Variants in CDH2 observed in about 807,000 individuals in gnomAD.
CDH2 encodes the protein cadherin-2.
In CDH2, 17 loss-of-function variants were observed where a neutral mutation model predicts 92.0. That is an observed-to-expected ratio of 0.18 (90% CI 0.13 to 0.28). The LOEUF is 0.28. Ranked by LOEUF, CDH2 falls within the 10% of genes least tolerant of loss-of-function variation. The probability of loss-of-function intolerance (pLI) is 1.00; values close to 1 mark genes in which losing one functional copy is unlikely to be tolerated. For missense variants in CDH2, 862 were observed against 1,133.1 expected (o/e 0.76, Z 3.44); for synonymous variants, 419 against 415.9 (o/e 1.01, Z -0.09).
chr18:27,985,099 C>G lies in CDH2; in HGVS notation c.2110G>C (p.Asp704His). 1 of 1,614,150 alleles carries G rather than the reference C, an allele frequency of 6.2e-7. No individual in the cohort carries two copies. Among genetic ancestry groups the G allele is most frequent in the South Asian group, 1.1e-5 (1 of 91,074 alleles). The change falls in exon 13 of 16, where the codon GAC becomes CAC. Residue 704 changes from aspartate to histidine, a missense_variant. Asp to His is a moderately conservative substitution (Grantham distance 81, BLOSUM62 -1). This residue lies in a region of CDH2 where 564 missense variants were observed against 722.2 expected (regional missense o/e 0.78). Transcript: ENST00000269141. ...ACATCTGTGCAGTCCCCGTTGGAGT[C>G]ACACTGGCAAACCTTCACACGCAGG... is the stretch of plus-strand genomic sequence containing the variant. ...SILRVKVCQCDSNGDCTDVDR... is the reference protein window; with the variant it reads ...SILRVKVCQCHSNGDCTDVDR...
At chr18:28,056,338 A>AAG (rs1378881320) in intron 2 of CDH2, among the ~76,000 whole-genome samples, 1 of 152,180 alleles carries the variant, frequency 6.6e-6, no homozygotes, top group Non-Finnish European at 1.5e-5. Flanking sequence ...CCTTTCTGTC[A>AAG]AAACAAATAG....
At chr18:28,064,121 T>C (rs1487826875) in intron 2 of CDH2, among the ~76,000 whole-genome samples, 1 of 143,532 alleles carries the variant, frequency 7.0e-6, no homozygotes, top group African/African-American at 2.5e-5. Flanking sequence ...CTTAAAACTA[T>C]GAATTCCTCA....
At chr18:28,155,880 T>G (rs536348308) in intron 1 of CDH2, among the ~76,000 whole-genome samples, 7 of 152,344 alleles carry the variant, frequency 4.6e-5, no homozygotes, top group African/African-American at 1.7e-4. Context: ...ACTGCCACTC[T>G]TCAAGATTTT....
intron 2 of CDH2, among the ~76,000 whole-genome samples, chr18:28,076,468 TA>T (rs2144179552): frequency 6.6e-6 from 1 of 152,304 alleles, no homozygotes; most frequent in Non-Finnish European, 1.5e-5. Flanking sequence ...TTAATTCATA[TA>T]AAGGTTTTAG....
chr18:28,024,932 T>A (rs2013510084), intron 2 of CDH2, among the ~76,000 whole-genome samples: 1 of 152,138 alleles, frequency 6.6e-6, no homozygotes, highest in African/African-American at 2.4e-5. Flanking sequence ...TAAGAAAATT[T>A]ACAAAATTAA....
intron 2 of CDH2, among the ~76,000 whole-genome samples, chr18:28,049,651 T>G (rs1448252011): frequency 6.6e-6 from 1 of 152,210 alleles, no homozygotes; most frequent in Non-Finnish European, 1.5e-5. Context: ...CTGAATAGTA[T>G]CTATGGCAAG....
chr18:28,023,716 T>TG (rs749027697), intron 2 of CDH2, among the ~76,000 whole-genome samples: 1 of 152,178 alleles, frequency 6.6e-6, no homozygotes, highest in Non-Finnish European at 1.5e-5. Flanking sequence ...GAATAAATAA[T>TG]GATCTTCAAG....
intron 2 of CDH2, among the ~76,000 whole-genome samples, chr18:28,077,799 G>A (rs1451447603): frequency 1.3e-5 from 2 of 149,992 alleles, no homozygotes; most frequent in African/African-American, 2.5e-5. Flanking sequence ...GCTGAGGCAG[G>A]AGAATTGCTT....
At chr18:28,005,029 A>C (rs2144015670) in intron 6 of CDH2, among the ~76,000 whole-genome samples, 1 of 152,356 alleles carries the variant, frequency 6.6e-6, no homozygotes, top group Non-Finnish European at 1.5e-5. Context: ...AATACAAAAC[A>C]AAAATACAAT....
intron 2 of CDH2, among the ~76,000 whole-genome samples, chr18:28,037,357 C>T (rs2013855086): frequency 6.6e-6 from 1 of 152,146 alleles, no homozygotes; most frequent in South Asian, 2.1e-4. Flanking sequence ...GATAGGTTGC[C>T]AGCATGAAGG....
intron 7 of CDH2, among the ~76,000 whole-genome samples, chr18:27,998,191 G>A (rs1048808948): frequency 6.6e-6 from 1 of 152,130 alleles, no homozygotes; most frequent in African/African-American, 2.4e-5. Context: ...TATAAATGTG[G>A]TCTTTCTTTT....
chr18:28,086,382 C>T (rs11564402), intron 2 of CDH2, among the ~76,000 whole-genome samples: 7,773 of 152,062 alleles, frequency 0.051, 678 homozygotes, highest in African/African-American at 0.18. Flanking sequence ...TCAAACTTTG[C>T]TAATTTCCTT....
Position 28,052,754 on chromosome 18 carries a change from T to C in CDH2, c.173-38845A>G, listed in dbSNP as rs561566142. Among the ~76,000 whole-genome samples the C allele has an allele frequency of 1.3e-4, 20 of 152,344 alleles. No homozygotes were observed. The South Asian group carries it at 4.1e-3, about 32-fold the overall frequency. ...CTGCTCAATATCACGAAACAGTTCA[T>C]TGAAACAAGATGCCTTGTTTTATAC... is the stretch of plus-strand genomic sequence containing the variant. On this transcript the variant is annotated intron_variant, in intron 2 of 15. Transcript: ENST00000269141.
intron 4 of CDH2, among the ~76,000 whole-genome samples, chr18:28,011,152 C>A (rs1022653688): frequency 1.3e-5 from 2 of 151,998 alleles, no homozygotes; most frequent in Admixed American, 6.6e-5. Flanking sequence ...TAATCATATA[C>A]AGAAACATTT....
intron 2 of CDH2, among the ~76,000 whole-genome samples, chr18:28,115,604 T>TATCCA (rs1375568605): frequency 1.3e-5 from 2 of 152,162 alleles, no homozygotes; most frequent in Admixed American, 6.6e-5. Flanking sequence ...AGAAGATGGC[T>TATCCA]GCGGCCCTCA....
At chr18:27,955,123 G>C (rs1909643407) in intron 15 of CDH2, among the ~76,000 whole-genome samples, 1 of 152,042 alleles carries the variant, frequency 6.6e-6, no homozygotes, top group Admixed American at 6.6e-5. Context: ...CTTTGTTCAG[G>C]TCATCTGCTT....
At chr18:28,130,307 C>T (rs1372694759) in intron 2 of CDH2, among the ~76,000 whole-genome samples, 1 of 152,090 alleles carries the variant, frequency 6.6e-6, no homozygotes, top group African/African-American at 2.4e-5. Flanking sequence ...ACTCCCTCCA[C>T]CCAAGAAAGC....
chr18:28,040,536 T>G (rs558333626), intron 2 of CDH2, among the ~76,000 whole-genome samples: 46 of 152,292 alleles, frequency 3.0e-4, no homozygotes, highest in Admixed American at 1.7e-3. Flanking sequence ...TAGGTTTACC[T>G]CCTGTTAACA....
chr18:27,999,804 T>C (rs1404189308), intron 7 of CDH2, among the ~76,000 whole-genome samples: 1 of 151,900 alleles, frequency 6.6e-6, no homozygotes, highest in Non-Finnish European at 1.5e-5. Context: ...TCACCTTGAA[T>C]TGTAATCCTC....
Sources: allele counts gnomAD v4.1 joint callset (sites outside exome capture counted in the v4.1 genomes callset), GRCh38; gene constraint gnomAD v4.1.1; regional missense constraint gnomAD v4.1.1; transcripts MANE v1.5; gene names NCBI Gene and HGNC (gene_info 2026-07-23, HGNC 2026-07-21).